GPC5: variants seen among roughly 807,000 people sequenced by gnomAD.
GPC5 encodes glypican-5.
In GPC5, 47 loss-of-function variants were observed where a neutral mutation model predicts 53.9. The observed-to-expected ratio is 0.87, with a 90% CI of 0.69 to 1.11. GPC5 has a LOEUF of 1.11. GPC5 is among the 50% of genes most tolerant of loss of function. GPC5 has a pLI of 0.00. For missense variants in GPC5, 748 were observed against 713.1 expected (o/e 1.05, Z -0.56); for synonymous variants, 286 against 263.3 (o/e 1.09, Z -0.84).
intron 6 of GPC5, among the ~76,000 whole-genome samples, chr13:92,042,497 G>T (rs1555306545): frequency 6.7e-6 from 1 of 148,470 alleles, no homozygotes; most frequent in Non-Finnish European, 1.5e-5. Flanking sequence ...AAAACAAATG[G>T]AAAAAAAAAA....
intron 7 of GPC5, among the ~76,000 whole-genome samples, chr13:92,178,646 G>T (rs984731619): frequency 6.6e-6 from 1 of 151,942 alleles, no homozygotes; most frequent in Admixed American, 6.6e-5. Flanking sequence ...AGTCCAAACT[G>T]CTACCAGCAT....
intron 7 of GPC5, among the ~76,000 whole-genome samples, chr13:92,731,632 A>G (rs1594462310): frequency 6.6e-6 from 1 of 151,556 alleles, no homozygotes; most frequent in East Asian, 1.9e-4. Context: ...CATAGGAAAA[A>G]TTACTTAAAT....
intron 7 of GPC5, among the ~76,000 whole-genome samples, chr13:92,543,635 G>C (rs886877382): frequency 6.6e-6 from 1 of 152,040 alleles, no homozygotes; most frequent in African/African-American, 2.4e-5. Flanking sequence ...GGGAAGGATA[G>C]AAGGAGAGTC....
At chr13:92,568,742 C>G (rs895871485) in intron 7 of GPC5, among the ~76,000 whole-genome samples, 17 of 152,076 alleles carry the variant, frequency 1.1e-4, no homozygotes, top group African/African-American at 4.1e-4. Context: ...CATAAGAAAT[C>G]AGTGAACACA....
rs1638466893 is a variant in GPC5, at chr13:91,608,069, G to A, written c.326-85118G>A. On this transcript the variant is annotated intron_variant, in intron 2 of 7. Coordinates refer to ENST00000377067, the MANE Select transcript of GPC5 (RefSeq NM_004466.6). ...TTAAACAAATCAAATTTTTAAATAT[G>A]ATTTCTTAAATGATTTTTCCCCAAG... Among the ~76,000 whole-genome samples the A allele has an allele frequency of 2.0e-5, 3 of 152,076 alleles. No individual in the cohort carries two copies. In the South Asian group the frequency reaches 6.2e-4, roughly 32 times the overall value.
intron 5 of GPC5, among the ~76,000 whole-genome samples, chr13:91,879,926 C>A (rs1051889236): frequency 6.6e-6 from 1 of 152,042 alleles, no homozygotes; most frequent in Non-Finnish European, 1.5e-5. Flanking sequence ...ATAAGAGATA[C>A]TGTTTAGTAA....
intron 7 of GPC5, among the ~76,000 whole-genome samples, chr13:92,815,528 G>C (rs1418964998): frequency 1.3e-5 from 2 of 151,048 alleles, no homozygotes; most frequent in Non-Finnish European, 2.9e-5. Context: ...AGGCTTTGCT[G>C]ACTCTGTGAT....
chr13:91,464,632 T>C (rs1218455319), intron 2 of GPC5, among the ~76,000 whole-genome samples: 1 of 151,916 alleles, frequency 6.6e-6, no homozygotes, highest in Non-Finnish European at 1.5e-5. Context: ...AATAACAAAA[T>C]AACAGAGATG....
chr13:91,846,069 T>C (rs1001793549), intron 5 of GPC5, among the ~76,000 whole-genome samples: 3 of 152,130 alleles, frequency 2.0e-5, no homozygotes, highest in Non-Finnish European at 4.4e-5. Flanking sequence ...CTATGCAAAT[T>C]AAATGAACAT....
At chr13:92,028,976 C>G (rs1031304870) in intron 6 of GPC5, among the ~76,000 whole-genome samples, 32 of 152,134 alleles carry the variant, frequency 2.1e-4, no homozygotes, top group Non-Finnish European at 1.5e-5. Context: ...TTCCCTGAAC[C>G]TGGCTTCACT....
intron 6 of GPC5, among the ~76,000 whole-genome samples, chr13:91,927,968 C>T (rs2039784730): frequency 6.6e-6 from 1 of 152,148 alleles, no homozygotes; most frequent in Admixed American, 6.6e-5. Flanking sequence ...ATCTAAAATA[C>T]ATACTCTTCC....
At chr13:91,620,775 G>GAAGCTGATGCCAA (rs1243534408) in intron 2 of GPC5, among the ~76,000 whole-genome samples, 10 of 152,114 alleles carry the variant, frequency 6.6e-5, no homozygotes, top group African/African-American at 2.4e-4. Flanking sequence ...GATGAACTTG[G>GAAGCTGATGCCAA]TCTGGAGGTT....
At chr13:91,765,937 C>T (rs989679019) in intron 5 of GPC5, among the ~76,000 whole-genome samples, 47 of 152,210 alleles carry the variant, frequency 3.1e-4, no homozygotes, top group African/African-American at 8.4e-4. Context: ...TTGATGGGAA[C>T]GGAGTGTTAT....
At chr13:91,714,995 A>G (rs1284643892) in intron 3 of GPC5, among the ~76,000 whole-genome samples, 1 of 152,244 alleles carries the variant, frequency 6.6e-6, no homozygotes, top group African/African-American at 2.4e-5. Context: ...GTAGCAGCTC[A>G]GGGCAGTTCT....
At chr13:92,626,724 T>A (rs1885058416) in intron 7 of GPC5, among the ~76,000 whole-genome samples, 1 of 152,164 alleles carries the variant, frequency 6.6e-6, no homozygotes, top group African/African-American at 2.4e-5. Context: ...CTAATATACA[T>A]GTGTAATTAT....
chr13:92,065,400 T>G (rs561831749), intron 6 of GPC5, among the ~76,000 whole-genome samples: 11 of 152,256 alleles, frequency 7.2e-5, no homozygotes, highest in South Asian at 2.1e-4. Context: ...AAGAGTATAC[T>G]TGGATATAAA....
intron 1 of GPC5, among the ~76,000 whole-genome samples, chr13:91,431,108 G>A (rs761490808): frequency 1.8e-4 from 28 of 152,072 alleles, no homozygotes; most frequent in Admixed American, 3.3e-4. Flanking sequence ...CAAACTCCTG[G>A]GCTCAAGCAA....
chr13:91,489,205 T>A (rs1883790606), intron 2 of GPC5, among the ~76,000 whole-genome samples: 1 of 152,208 alleles, frequency 6.6e-6, no homozygotes, highest in Non-Finnish European at 1.5e-5. Flanking sequence ...GTGAAGCATG[T>A]GATCTCTGTG....
rs576400989 is a variant in GPC5 at position 91,423,571 on chromosome 13, GA to G, written c.163+24363del. Among the ~76,000 whole-genome samples the G allele has an allele frequency of 6.6e-4, 100 of 152,218 alleles. 1 individual carries two copies. In the South Asian group the frequency reaches 0.021, roughly 31 times the overall value. ...GAGAGTAGGATGGTGGTTACCAGTA[GA>G]GGGGGGGTGTGGGGTGTGAATGTGG... On this transcript the variant is annotated intron_variant, in intron 1 of 7. Transcript: ENST00000377067.
Sources: gnomAD v4.1 joint callset for allele counts (sites outside exome capture counted in the v4.1 genomes callset) on GRCh38, gnomAD v4.1.1 for gene constraint, MANE v1.5 for transcripts, NCBI Gene and HGNC (gene_info 2026-07-23, HGNC 2026-07-21) for gene names.